Variants in SSBP3 observed in about 807,000 individuals in gnomAD.
SSBP3 encodes the protein single stranded DNA binding protein 3.
Under a neutral mutation model 69.6 loss-of-function variants are expected in SSBP3, and 5 were observed. The ratio of observed to expected loss-of-function variants is 0.07; its 90% CI spans 0.04 to 0.15. The LOEUF (loss-of-function observed/expected upper bound fraction) is 0.15. SSBP3 is among the 10% of genes least tolerant of loss of function. The pLI, the probability that SSBP3 is intolerant of heterozygous loss-of-function variation, is 1.00. For missense variants in SSBP3, 312 were observed against 534.0 expected (o/e 0.58, Z 4.10); for synonymous variants, 196 against 193.4 (o/e 1.01, Z -0.11).
Position 54,261,411 on chromosome 1 carries a change from G to T in SSBP3, c.367-3262C>A, listed in dbSNP as rs532501148. ...GATTTGTTACCCACTCGGGCAAAAG[G>T]CTACACAGGAGGCAGACAACAATGA... On this transcript the variant is annotated intron_variant, in intron 5 of 17. Coordinates refer to ENST00000610401, the Ensembl canonical transcript of SSBP3. Among the ~76,000 whole-genome samples the T allele has an allele frequency of 5.9e-5, 9 of 152,340 alleles. No homozygotes were observed. The South Asian group carries it at 1.9e-3, about 32-fold the overall frequency.
At chr1:54,298,978 C>T (rs1171536711) in intron 4 of SSBP3, among the ~76,000 whole-genome samples, 2 of 147,016 alleles carry the variant, frequency 1.4e-5, no homozygotes, top group Non-Finnish European at 3.0e-5. Context: ...GTTCAAGGTG[C>T]CACGCTGAGC....
At chr1:54,240,102 G>T (rs919589765) in intron 13 of SSBP3, among the ~76,000 whole-genome samples, 2 of 6,030 alleles carry the variant, frequency 3.3e-4, no homozygotes, top group South Asian at 9.1e-3. Flanking sequence ...GCGCGCGCGT[G>T]TGCGTGCGCG....
intron 10 of SSBP3, 55 bp from the exon 11 acceptor site, chr1:54,242,267 C>A: frequency 6.2e-7 from 1 of 1,601,248 alleles, no homozygotes; most frequent in Admixed American, 1.7e-5. Flanking sequence ...AAACTCCAAG[C>A]GGTGGAGGCA....
intron 4 of SSBP3, among the ~76,000 whole-genome samples, chr1:54,366,009 T>C (rs555611016): frequency 6.6e-6 from 1 of 152,282 alleles, no homozygotes; most frequent in South Asian, 2.1e-4. Flanking sequence ...TAAATTAGTT[T>C]ACACAGACCA....
intron 5 of SSBP3, among the ~76,000 whole-genome samples, chr1:54,266,663 A>AT (rs1645107935): frequency 6.6e-6 from 1 of 152,276 alleles, no homozygotes; most frequent in Non-Finnish European, 1.5e-5. Flanking sequence ...AGACAAATGA[A>AT]GCAAAAGTTG....
chr1:54,378,927 A>ACCGAACATTTT (rs1553147958), intron 4 of SSBP3, among the ~76,000 whole-genome samples: 1 of 152,200 alleles, frequency 6.6e-6, no homozygotes, highest in Non-Finnish European at 1.5e-5. Context: ...GAAATGCCCC[A>ACCGAACATTTT]CCGAACATTT....
intron 4 of SSBP3, among the ~76,000 whole-genome samples, chr1:54,353,138 T>C (rs1047536448): frequency 1.3e-5 from 2 of 152,168 alleles, no homozygotes; most frequent in Non-Finnish European, 2.9e-5. Context: ...CACACACCCC[T>C]GCCACAGGGA....
rs1372436363 is a variant in SSBP3 at position 54,258,554 on chromosome 1, C to G, written c.367-405G>C. Among the ~76,000 whole-genome samples, 1 of 152,180 alleles carries G rather than the reference C, an allele frequency of 6.6e-6. No individual in the cohort carries two copies. Among genetic ancestry groups the G allele is most frequent in the Non-Finnish European group, 1.5e-5 (1 of 68,036 alleles). On this transcript the variant is annotated intron_variant, in intron 5 of 17. Coordinates refer to ENST00000610401, the Ensembl canonical transcript of SSBP3. The surrounding 1 kb of genome is among the most constrained non-coding windows in gnomAD (Gnocchi z 4.5). The stretch of plus-strand genomic sequence containing the variant: ...GTGCAAAGCACGTAGGTGCCGCTTG[C>G]ACGGGAGGTGGGGAAAGATCGGGAA...
intron 4 of SSBP3, among the ~76,000 whole-genome samples, chr1:54,370,444 A>G (rs2100675421): frequency 6.6e-6 from 1 of 152,310 alleles, no homozygotes; most frequent in Non-Finnish European, 1.5e-5. Context: ...TCAACTTGCA[A>G]TGTCTGACAC....
intron 14 of SSBP3, among the ~76,000 whole-genome samples, chr1:54,230,646 A>C (rs12410868): frequency 0.15 from 23,367 of 152,140 alleles, 1,983 homozygotes; most frequent in South Asian, 0.26. Context: ...CCTCAGAAAG[A>C]AATCCTGTAC....
At chr1:54,299,231 G>A (rs1214820711) in intron 4 of SSBP3, among the ~76,000 whole-genome samples, 3 of 152,100 alleles carry the variant, frequency 2.0e-5, no homozygotes, top group Non-Finnish European at 2.9e-5. Flanking sequence ...CACACCCTCT[G>A]GGACTTGCTG....
At position 54,249,629 on chromosome 1, in the gene SSBP3, C is replaced by T. The variant is rs530678292; in HGVS notation, c.651+1987G>A. On this transcript the variant is annotated intron_variant, in intron 9 of 17. Coordinates refer to ENST00000610401, the Ensembl canonical transcript of SSBP3. ...GGTGAGCAGAGATGATGCCACTGCA[C>T]TCCAGCCTGGGTGACAGAGTAAACC... Among the ~76,000 whole-genome samples the T allele has an allele frequency of 3.3e-3, 504 of 151,888 alleles. 3 individuals are homozygous for T. The highest frequency in any genetic ancestry group is 0.011 in the African/African-American group (467 of 41,398).
intron 4 of SSBP3, among the ~76,000 whole-genome samples, chr1:54,349,580 C>A (rs1252673153): frequency 1.3e-5 from 2 of 152,158 alleles, no homozygotes; most frequent in African/African-American, 4.8e-5. Context: ...CTCCCTCAGG[C>A]TTCAGCCTTG....
chr1:54,247,866 C>A (rs1011846542), intron 9 of SSBP3, among the ~76,000 whole-genome samples: 1 of 152,224 alleles, frequency 6.6e-6, no homozygotes, highest in African/African-American at 2.4e-5. Context: ...CTACCTGATA[C>A]TGACATACAT....
At chr1:54,248,689 G>A (rs185200264) in intron 9 of SSBP3, among the ~76,000 whole-genome samples, 21 of 152,246 alleles carry the variant, frequency 1.4e-4, no homozygotes, top group African/African-American at 5.1e-4. Context: ...AATCCATCCT[G>A]CACCATCAAC....
At chr1:54,402,783 G>A (rs975724431) in intron 3 of SSBP3, among the ~76,000 whole-genome samples, 7 of 152,130 alleles carry the variant, frequency 4.6e-5, no homozygotes, top group African/African-American at 1.4e-4. Flanking sequence ...ATTAAAATGA[G>A]AACAGACATA....
At chr1:54,396,008 T>C (rs957555172) in intron 4 of SSBP3, among the ~76,000 whole-genome samples, 1 of 151,924 alleles carries the variant, frequency 6.6e-6, no homozygotes, top group Non-Finnish European at 1.5e-5. Flanking sequence ...CTGGCCAAGA[T>C]GGCGAAACCC....
upstream of SSBP3, among the ~76,000 whole-genome samples, chr1:54,407,798 C>G (rs1394425253): frequency 9.5e-6 from 1 of 105,106 alleles, no homozygotes; most frequent in African/African-American, 3.9e-5. Flanking sequence ...TTCCAATAAA[C>G]AAGTAACGCC....
At chr1:54,329,335 A>C (rs576837883) in intron 4 of SSBP3, among the ~76,000 whole-genome samples, 1 of 152,356 alleles carries the variant, frequency 6.6e-6, no homozygotes, top group African/African-American at 2.4e-5. Context: ...CAAAAAGCTG[A>C]ATCTTAAATC....
Sources: allele counts gnomAD v4.1 joint callset (sites outside exome capture counted in the v4.1 genomes callset), GRCh38; gene constraint gnomAD v4.1.1; non-coding constraint Gnocchi (gnomAD v3.1); transcripts MANE v1.5; gene names NCBI Gene and HGNC (gene_info 2026-07-23, HGNC 2026-07-21).